Variants in TENM1 observed in about 807,000 individuals in gnomAD.
TENM1 encodes the protein teneurin-1.
In TENM1, 35 loss-of-function variants were observed where a neutral mutation model predicts 174.8. The observed-to-expected ratio is 0.20, with a 90% CI of 0.15 to 0.27. The LOEUF is 0.27. Ranked by LOEUF, TENM1 falls within the 10% of genes least tolerant of loss-of-function variation. The probability of loss-of-function intolerance (pLI) is 1.00; values close to 1 mark genes in which losing one functional copy is unlikely to be tolerated. For synonymous variants in TENM1, 781 were observed against 798.7 expected (o/e 0.98, Z 0.37); for missense variants, 1,633 against 2,130.1 (o/e 0.77, Z 4.59).
chrX:125,106,688 C>T, the TENM1 span, among the ~76,000 whole-genome samples: 3 of 112,214 alleles, frequency 2.7e-5, no homozygotes, highest in African/African-American at 6.5e-5. Flanking sequence ...GGATCATAGG[C>T]GTGAGCCACT....
At chrX:124,469,165 TC>T (rs1246135530) in intron 22 of TENM1, among the ~76,000 whole-genome samples, 8 of 112,429 alleles carry the variant, frequency 7.1e-5, no homozygotes, top group African/African-American at 2.6e-4. Flanking sequence ...GTCTGTACAA[TC>T]AATGAAGTCT....
chrX:125,126,959 G>A, the TENM1 span, among the ~76,000 whole-genome samples: 1 of 111,304 alleles, frequency 9.0e-6, no homozygotes, highest in Non-Finnish European at 1.9e-5. Flanking sequence ...AGATTGGTAA[G>A]ACAGGCCTGA....
At chrX:124,609,758 A>G (rs1359990336) in intron 11 of TENM1, among the ~76,000 whole-genome samples, 1 of 111,816 alleles carries the variant, frequency 8.9e-6, no homozygotes, top group East Asian at 2.8e-4. Context: ...ATTCAGCTAG[A>G]GTACAGAAAA....
At chrX:125,200,511 C>T in the TENM1 span, among the ~76,000 whole-genome samples, 1 of 110,381 alleles carries the variant, frequency 9.1e-6, no homozygotes, top group Admixed American at 9.8e-5. Flanking sequence ...TTTTTAAGTA[C>T]GCATGGATTA....
chrX:124,523,733 A>C (rs770743774), intron 16 of TENM1, 108 bp from the exon 20 acceptor site: 1 of 756,708 alleles, frequency 1.3e-6, no homozygotes, highest in African/African-American at 2.1e-5. Flanking sequence ...GGACTCAACT[A>C]TATCCACTTG....
chrX:124,507,904 T>C (rs1291466603), intron 18 of TENM1, among the ~76,000 whole-genome samples: 3 of 112,173 alleles, frequency 2.7e-5, no homozygotes, highest in Non-Finnish European at 5.6e-5. Context: ...ATGTGAGAAA[T>C]TTACATGTTA....
At chrX:124,490,316 G>A (rs1023438870) in intron 20 of TENM1, among the ~76,000 whole-genome samples, 1 of 111,450 alleles carries the variant, frequency 9.0e-6, no homozygotes, top group Non-Finnish European at 1.9e-5. Flanking sequence ...TCATCTACAC[G>A]TAGTGTTTCT....
At chrX:125,008,638 A>G in the TENM1 span, among the ~76,000 whole-genome samples, 71 of 112,148 alleles carry the variant, frequency 6.3e-4, no homozygotes, top group Non-Finnish European at 5.6e-5. Flanking sequence ...TGGAAGTAAA[A>G]CACTCCTCAG....
chrX:124,481,708 T>C, intron 22 of TENM1, 24 bp downstream of exon 25: 2 of 402,857 alleles, frequency 5.0e-6, no homozygotes. Flanking sequence ...TATATATATA[T>C]ATATTTATTT....
chrX:125,097,316 T>A, the TENM1 span, among the ~76,000 whole-genome samples: 1 of 112,024 alleles, frequency 8.9e-6, no homozygotes, highest in Admixed American at 9.5e-5. Context: ...GCCTATCCCC[T>A]AACTAATCAG....
At chrX:124,972,227 C>T in the TENM1 span, among the ~76,000 whole-genome samples, 42 of 103,660 alleles carry the variant, frequency 4.1e-4, no homozygotes, top group African/African-American at 1.5e-3. Context: ...AGCAAGACTC[C>T]ATCTCGAAAA....
intron 28 of TENM1, among the ~76,000 whole-genome samples, chrX:124,386,841 A>T (rs1281603755): frequency 9.1e-6 from 1 of 109,591 alleles, no homozygotes; most frequent in Non-Finnish European, 1.9e-5. Flanking sequence ...CAGCCTCCTG[A>T]GTAACTGGGA....
intron 26 of TENM1, 109 bp from the exon 30 acceptor site, chrX:124,405,375 G>T: frequency 1.7e-6 from 1 of 590,813 alleles, no homozygotes; most frequent in Non-Finnish European, 2.7e-6. Flanking sequence ...AAGCAGGTGG[G>T]GTGCTGTGGT....
At chrX:125,123,997 A>G in the TENM1 span, among the ~76,000 whole-genome samples, 1 of 112,565 alleles carries the variant, frequency 8.9e-6, no homozygotes, top group African/African-American at 3.2e-5. Flanking sequence ...ATGCTGGAGA[A>G]GCTGTTTAAC....
chrX:124,571,955 T>C (rs1284408867), intron 11 of TENM1, among the ~76,000 whole-genome samples: 2 of 106,006 alleles, frequency 1.9e-5, no homozygotes, highest in Admixed American at 2.0e-4. Flanking sequence ...AAGGAGAAAA[T>C]GATTTTTTTT....
At chrX:124,747,555 C>A in intron 3 of TENM1, among the ~76,000 whole-genome samples, 1 of 102,886 alleles carries the variant, frequency 9.7e-6, no homozygotes, top group South Asian at 6.1e-4. Context: ...ACCTCAATTA[C>A]TTTTGCACCA....
the TENM1 span, among the ~76,000 whole-genome samples, chrX:124,977,157 C>T: frequency 9.0e-6 from 1 of 111,464 alleles, no homozygotes; most frequent in Admixed American, 9.6e-5. Flanking sequence ...CTTTTTCATA[C>T]TAAAGATTAA....
chrX:124,582,268 T>C (rs1242561319), intron 11 of TENM1, among the ~76,000 whole-genome samples: 1 of 112,394 alleles, frequency 8.9e-6, no homozygotes, highest in Non-Finnish European at 1.9e-5. Flanking sequence ...CCATATTTTC[T>C]TTATCCAGTC....
the TENM1 span, among the ~76,000 whole-genome samples, chrX:125,160,544 C>CAAAAAAAAA: frequency 2.4e-4 from 7 of 28,997 alleles, no homozygotes; most frequent in Non-Finnish European, 3.5e-4. Flanking sequence ...GACCCCGTCT[C>CAAAAAAAAA]AAAAAAAAAA....
Sources: gnomAD v4.1 joint callset for allele counts (sites outside exome capture counted in the v4.1 genomes callset) on GRCh38, gnomAD v4.1.1 for gene constraint, MANE v1.5 for transcripts, NCBI Gene and HGNC (gene_info 2026-07-23, HGNC 2026-07-21) for gene names.